Variants in TMEM132B observed in about 807,000 individuals in gnomAD.
TMEM132B encodes transmembrane protein 132B.
In TMEM132B, 18 loss-of-function variants were observed where a neutral mutation model predicts 90.8. That is an observed-to-expected ratio of 0.20 (90% CI 0.14 to 0.29). The LOEUF (loss-of-function observed/expected upper bound fraction) is 0.29. Ranked by LOEUF, TMEM132B falls within the 10% of genes least tolerant of loss-of-function variation. TMEM132B has a pLI of 1.00. For synonymous variants in TMEM132B, 504 were observed against 523.3 expected (o/e 0.96, Z 0.50); for missense variants, 1,096 against 1,326.8 (o/e 0.83, Z 2.70).
intron 2 of TMEM132B, among the ~76,000 whole-genome samples, chr12:125,380,610 C>T (rs1878652065): frequency 6.6e-6 from 1 of 152,206 alleles, no homozygotes; most frequent in Non-Finnish European, 1.5e-5. Context: ...TATGTTGGTG[C>T]TCGGTTCTCA....
chr12:125,462,859 C>G (rs898832839), intron 3 of TMEM132B, among the ~76,000 whole-genome samples: 1 of 152,170 alleles, frequency 6.6e-6, no homozygotes, highest in African/African-American at 2.4e-5. Flanking sequence ...ATTATGTTGG[C>G]ATATTTGTTT....
chr12:125,618,792 A>G (rs1886050957), intron 5 of TMEM132B, among the ~76,000 whole-genome samples: 1 of 152,154 alleles, frequency 6.6e-6, no homozygotes, highest in African/African-American at 2.4e-5. Context: ...TATTATGTTA[A>G]TAATGTTATA....
At chr12:125,289,876 C>T (rs1199680238) in intron 1 of TMEM132B, among the ~76,000 whole-genome samples, 2 of 152,218 alleles carry the variant, frequency 1.3e-5, no homozygotes, top group Admixed American at 6.5e-5. Flanking sequence ...CTACAGCAGT[C>T]TCAAAAGTCC....
intron 3 of TMEM132B, among the ~76,000 whole-genome samples, chr12:125,453,231 T>A (rs1219248389): frequency 6.6e-6 from 1 of 152,216 alleles, no homozygotes; most frequent in Non-Finnish European, 1.5e-5. Flanking sequence ...GTGACCTTTT[T>A]GTAGACTGCA....
At chr12:125,509,374 C>T (rs940478371) in intron 3 of TMEM132B, among the ~76,000 whole-genome samples, 9 of 152,174 alleles carry the variant, frequency 5.9e-5, no homozygotes, top group African/African-American at 1.9e-4. Flanking sequence ...CTTGCTGGTC[C>T]TGTGGTCAGA....
At position 125,213,524 on chromosome 12, in the gene TMEM132B, G is replaced by A. The variant is rs981178004; in HGVS notation, c.67+26658G>A. Among the ~76,000 whole-genome samples, 14 of 152,206 alleles carry A rather than the reference G, an allele frequency of 9.2e-5. No homozygotes were observed. The highest frequency in any genetic ancestry group is 1.8e-4 in the Non-Finnish European group (12 of 68,032). ...ATTTTGAGCCCGGAGTTCTGAGCCC[G>A]TAAAAGATTCTTTCATTTTTAGTCA... On this transcript the variant is annotated intron_variant, in intron 1 of 8. Coordinates refer to ENST00000682704, the MANE Select transcript of TMEM132B (RefSeq NM_001366854.1). This position sits in a 1 kb window ranked among gnomAD's most constrained non-coding sequence, Gnocchi z 4.2.
chr12:125,297,089 C>T (rs926933018), intron 1 of TMEM132B, among the ~76,000 whole-genome samples: 13 of 152,120 alleles, frequency 8.5e-5, no homozygotes, highest in East Asian at 1.9e-4. Context: ...GGGAGGGTGA[C>T]GGAGCTGGAG....
chr12:125,512,262 C>T (rs1415215985), intron 3 of TMEM132B, among the ~76,000 whole-genome samples: 1 of 152,174 alleles, frequency 6.6e-6, no homozygotes, highest in African/African-American at 2.4e-5. Context: ...TGGTTATTAC[C>T]ACATGGGAAT....
intron 3 of TMEM132B, among the ~76,000 whole-genome samples, chr12:125,437,496 T>G (rs897296587): frequency 3.9e-5 from 6 of 152,204 alleles, no homozygotes; most frequent in African/African-American, 1.4e-4. Flanking sequence ...TGTAATTTAT[T>G]GAGGAACTGC....
Position 125,517,327 on chromosome 12 carries a change from ATTTTTTTTTTTTTTTT to A in TMEM132B, c.1107-2089_1107-2074del, listed in dbSNP as rs56147854. ...AGGCGCCCGCCACCATGCCCTGCTG[ATTTTTTTTTTTTTTTT>A]TTTTTTTTTTTTTTTTTTTTTTGCA... On this transcript the variant is annotated intron_variant, in intron 3 of 8. Coordinates refer to ENST00000682704, the MANE Select transcript of TMEM132B (RefSeq NM_001366854.1). Among the ~76,000 whole-genome samples the A allele has an allele frequency of 4.1e-3, 116 of 28,488 alleles. 1 individual carries two copies. Among genetic ancestry groups the A allele is most frequent in the African/African-American group, 0.012 (77 of 6,430 alleles). The allele number at this position is 28,488 out of a possible 152,430, so 18.7% of individuals were successfully genotyped here.
intron 1 of TMEM132B, among the ~76,000 whole-genome samples, chr12:125,348,499 GTTT>G (rs10570406): frequency 0.3 from 41,386 of 137,004 alleles, 5,753 homozygotes; most frequent in Admixed American, 0.38. Context: ...TAATTTTTGT[GTTT>G]TTTTTTTTTT....
intron 6 of TMEM132B, among the ~76,000 whole-genome samples, chr12:125,645,841 G>T (rs943239030): frequency 6.6e-6 from 1 of 152,194 alleles, no homozygotes; most frequent in Non-Finnish European, 1.5e-5. Flanking sequence ...AGAGCCTGTT[G>T]CCCAGGGGTG....
chr12:125,430,050 T>C (rs137889255), intron 3 of TMEM132B, among the ~76,000 whole-genome samples: 34 of 152,290 alleles, frequency 2.2e-4, no homozygotes, highest in African/African-American at 7.7e-4. Flanking sequence ...GCTCTGGGAG[T>C]GAAGGGACTG....
At chr12:125,633,778 GTC>G (rs373859230) in intron 5 of TMEM132B, among the ~76,000 whole-genome samples, 2 of 151,374 alleles carry the variant, frequency 1.3e-5, no homozygotes. Context: ...AACAAATGGA[GTC>G]TCTCTCTCTC....
Position 125,649,050 on chromosome 12 carries a change from A to G in TMEM132B, c.1644-1633A>G, listed in dbSNP as rs185414383. ...GAATAACTTTTCAGTATGTTATTCAATTTTTTTAATTGAATGCTATGTTTC... is the reference window on the plus strand; with the variant it reads ...GAATAACTTTTCAGTATGTTATTCAGTTTTTTTAATTGAATGCTATGTTTC... On this transcript the variant is annotated intron_variant, in intron 6 of 8. Transcript: ENST00000682704. Among the ~76,000 whole-genome samples the G allele has an allele frequency of 2.0e-4, 31 of 152,308 alleles. No homozygotes were observed. The East Asian group carries it at 5.8e-3, about 28-fold the overall frequency.
intron 1 of TMEM132B, among the ~76,000 whole-genome samples, chr12:125,337,597 G>A (rs926984216): frequency 2.0e-5 from 3 of 152,152 alleles, no homozygotes; most frequent in Admixed American, 2.0e-4. Flanking sequence ...TATGCAATAC[G>A]GTCGACGAGG....
intron 5 of TMEM132B, among the ~76,000 whole-genome samples, chr12:125,615,387 C>G (rs530669712): frequency 6.6e-6 from 1 of 151,906 alleles, no homozygotes; most frequent in South Asian, 2.1e-4. Flanking sequence ...CTCTTAAGCT[C>G]TGTTCACTTG....
chr12:125,538,138 T>G (rs78977623), intron 4 of TMEM132B, among the ~76,000 whole-genome samples: 1 of 152,218 alleles, frequency 6.6e-6, no homozygotes, highest in Non-Finnish European at 1.5e-5. Context: ...TTGTCGATCA[T>G]CTAATTAAGG....
chr12:125,363,378 G>A (rs1878021794), intron 2 of TMEM132B, among the ~76,000 whole-genome samples: 2 of 152,124 alleles, frequency 1.3e-5, no homozygotes, highest in Admixed American at 6.5e-5. Flanking sequence ...AAAGAAGGAA[G>A]CTGCCTGGAT....
Sources: gnomAD v4.1 joint callset for allele counts (sites outside exome capture counted in the v4.1 genomes callset) on GRCh38, gnomAD v4.1.1 for gene constraint, Gnocchi (gnomAD v3.1) non-coding constraint, MANE v1.5 for transcripts, NCBI Gene and HGNC (gene_info 2026-07-23, HGNC 2026-07-21) for gene names.